LARGE1: variants seen among roughly 807,000 people sequenced by gnomAD.
LARGE1 encodes xylosyl- and glucuronyltransferase LARGE1.
Under a neutral mutation model 87.6 loss-of-function variants are expected in LARGE1, and 43 were observed. That is an observed-to-expected ratio of 0.49 (90% CI 0.38 to 0.63). LARGE1 has a LOEUF of 0.63. Among genes scored for constraint, LARGE1 ranks in the 30% least tolerant of loss-of-function variants. The pLI, the probability that LARGE1 is intolerant of heterozygous loss-of-function variation, is 0.00. For missense variants in LARGE1, 802 were observed against 1,000.2 expected (o/e 0.80, Z 2.67); for synonymous variants, 434 against 394.6 (o/e 1.10, Z -1.18).
chr22:33,887,496 G>C (rs536462603), intron 1 of LARGE1, among the ~76,000 whole-genome samples: 2 of 152,146 alleles, frequency 1.3e-5, no homozygotes, highest in African/African-American at 4.8e-5. Context: ...TAGCACTTTC[G>C]GAGACCGAGG....
chr22:33,781,182 G>C (rs1002015365), intron 1 of LARGE1, among the ~76,000 whole-genome samples: 2 of 152,144 alleles, frequency 1.3e-5, no homozygotes, highest in African/African-American at 4.8e-5. Context: ...CTTCTCACAG[G>C]ATTTGTTTTT....
At chr22:33,910,727 G>A (rs899020572) in intron 1 of LARGE1, among the ~76,000 whole-genome samples, 4 of 152,188 alleles carry the variant, frequency 2.6e-5, no homozygotes, top group African/African-American at 7.2e-5. Flanking sequence ...AGTCAGGAAC[G>A]ATTTCAGCCA....
intron 1 of LARGE1, among the ~76,000 whole-genome samples, chr22:33,900,297 C>A (rs994921402): frequency 3.9e-5 from 6 of 152,206 alleles, no homozygotes; most frequent in African/African-American, 1.2e-4. Flanking sequence ...GCAAGCCCAG[C>A]CCCGGCTCAC....
At chr22:33,428,959 AAAG>A (rs1438280206) in intron 7 of LARGE1, among the ~76,000 whole-genome samples, 30 of 57,748 alleles carry the variant, frequency 5.2e-4, no homozygotes, top group African/African-American at 1.4e-3. Flanking sequence ...AAAAAAAAAA[AAAG>A]GAGAGAACTG....
At chr22:33,731,362 C>A (rs998272994) in intron 2 of LARGE1, among the ~76,000 whole-genome samples, 4 of 151,848 alleles carry the variant, frequency 2.6e-5, no homozygotes, top group African/African-American at 9.7e-5. Flanking sequence ...GATATTGGGG[C>A]AAAACTTGGA....
At chr22:33,305,557 T>G in intron 11 of LARGE1, 7 of 983,658 alleles carry the variant, frequency 7.1e-6, no homozygotes, top group Non-Finnish European at 8.5e-6. Flanking sequence ...TAATCAGCAG[T>G]CTCCTGGTCA....
chr22:33,644,382 C>T (rs951996916), intron 3 of LARGE1, among the ~76,000 whole-genome samples: 5 of 152,148 alleles, frequency 3.3e-5, no homozygotes, highest in Non-Finnish European at 5.9e-5. Context: ...TAAAAACACT[C>T]AATAAACTAG....
chr22:33,452,530 A>C (rs899543188), intron 6 of LARGE1, among the ~76,000 whole-genome samples: 2 of 152,222 alleles, frequency 1.3e-5, no homozygotes, highest in African/African-American at 2.4e-5. Context: ...CACAAGCTCA[A>C]TCTGGAAAAC....
At chr22:33,302,050 G>C (rs1393607487) in intron 12 of LARGE1, among the ~76,000 whole-genome samples, 1 of 152,178 alleles carries the variant, frequency 6.6e-6, no homozygotes. Flanking sequence ...GTGGAGGGTG[G>C]GCAGGGGTCC....
At chr22:33,155,982 T>C in the LARGE1 span, among the ~76,000 whole-genome samples, 19 of 152,110 alleles carry the variant, frequency 1.2e-4, no homozygotes, top group Admixed American at 2.6e-4. Flanking sequence ...AAGCCTTGCA[T>C]CTTCCATGTA....
chr22:33,143,526 T>C, the LARGE1 span, among the ~76,000 whole-genome samples: 1 of 152,186 alleles, frequency 6.6e-6, no homozygotes, highest in Non-Finnish European at 1.5e-5. Context: ...TAAGTTTTCT[T>C]ATTAGTATCT....
At chr22:33,154,188 ACTC>A in the LARGE1 span, among the ~76,000 whole-genome samples, 1 of 151,366 alleles carries the variant, frequency 6.6e-6, no homozygotes, top group African/African-American at 2.4e-5. Flanking sequence ...AAAAAAGTAA[ACTC>A]CTCTTTTATT....
intron 1 of LARGE1, among the ~76,000 whole-genome samples, chr22:33,914,985 T>TA (rs1455536117): frequency 6.9e-6 from 1 of 144,906 alleles, no homozygotes; most frequent in Non-Finnish European, 1.5e-5. Context: ...GGATGGATGA[T>TA]AGAGACAAGA....
At chr22:33,261,349 A>T (rs1173803194) in intron 11 of LARGE1, among the ~76,000 whole-genome samples, 3 of 152,156 alleles carry the variant, frequency 2.0e-5, no homozygotes, top group African/African-American at 7.2e-5. Flanking sequence ...AGCAATGAGA[A>T]TGGAGGCTTC....
At chr22:33,231,252 G>A (rs965179308) in intron 11 of LARGE1, among the ~76,000 whole-genome samples, 2 of 152,170 alleles carry the variant, frequency 1.3e-5, no homozygotes, top group African/African-American at 2.4e-5. Flanking sequence ...TCAACTCTGG[G>A]TTGTGACAAC....
intron 11 of LARGE1, among the ~76,000 whole-genome samples, chr22:33,217,868 C>T (rs186653289): frequency 5.7e-4 from 87 of 152,286 alleles, no homozygotes; most frequent in Non-Finnish European, 1.1e-3. Context: ...TCCTCCCCTA[C>T]TTAGCCTTTC....
At chr22:33,551,722 G>T (rs2077525779) in intron 6 of LARGE1, among the ~76,000 whole-genome samples, 1 of 152,076 alleles carries the variant, frequency 6.6e-6, no homozygotes, top group African/African-American at 2.4e-5. Context: ...AATGTCCTTG[G>T]AAAGCCCTGT....
At chr22:33,080,935 C>T in the LARGE1 span, among the ~76,000 whole-genome samples, 196 of 148,378 alleles carry the variant, frequency 1.3e-3, 5 homozygotes, top group South Asian at 0.039. Flanking sequence ...TCTGCTCATC[C>T]GTTCATCCAT....
chr22:33,334,138 C>T (rs941931036), intron 10 of LARGE1, among the ~76,000 whole-genome samples: 7 of 132,390 alleles, frequency 5.3e-5, no homozygotes, highest in South Asian at 2.5e-4. Flanking sequence ...AAAAGCCAGG[C>T]GCGGTGGCTC....
Sources: gnomAD v4.1 joint callset for allele counts (sites outside exome capture counted in the v4.1 genomes callset) on GRCh38, gnomAD v4.1.1 for gene constraint, MANE v1.5 for transcripts, NCBI Gene and HGNC (gene_info 2026-07-23, HGNC 2026-07-21) for gene names.